The following CELA2B variants were observed in gnomAD, a reference collection of about 807,000 sequenced individuals.
CELA2B encodes chymotrypsin-like elastase family member 2B.
CELA2B carries 27 observed loss-of-function variants against 36.5 expected under a neutral mutation model. The ratio of observed to expected loss-of-function variants is 0.74; its 90% CI spans 0.55 to 1.02. The LOEUF is 1.02. Among genes scored for constraint, CELA2B ranks in the 50% least tolerant of loss-of-function variants. The probability of loss-of-function intolerance (pLI) is 0.00; values close to 1 mark genes in which losing one functional copy is unlikely to be tolerated. For synonymous variants in CELA2B, 143 were observed against 148.5 expected (o/e 0.96, Z 0.27); for missense variants, 340 against 347.8 (o/e 0.98, Z 0.18).
chr1:15,490,548 C>T (rs1470872289), intron 7 of CELA2B, among the ~76,000 whole-genome samples: 1 of 152,142 alleles, frequency 6.6e-6, no homozygotes, highest in Non-Finnish European at 1.5e-5. Flanking sequence ...CCGTTTACAG[C>T]ACTGGATCAT....
chr1:15,483,713 A>G (rs372701980), intron 5 of CELA2B, among the ~76,000 whole-genome samples: 257 of 152,288 alleles, frequency 1.7e-3, no homozygotes, highest in African/African-American at 5.9e-3. Context: ...AGATCACTTG[A>G]GGTCATGAGT....
chr1:15,476,668 G>A, intron 2 of CELA2B, 123 bp downstream of exon 2: 2 of 923,912 alleles, frequency 2.2e-6, no homozygotes, highest in Non-Finnish European at 3.4e-6. Context: ...TCAGAGAGCA[G>A]CACAGGAAAC....
intron 2 of CELA2B, among the ~76,000 whole-genome samples, chr1:15,478,882 A>C (rs748587287): frequency 2.0e-5 from 3 of 152,048 alleles, no homozygotes; most frequent in Non-Finnish European, 4.4e-5. Flanking sequence ...TTGTAATTAC[A>C]GTTATTAATC....
intron 7 of CELA2B, chr1:15,490,701 C>G (rs891683471): frequency 6.5e-6 from 1 of 152,978 alleles, no homozygotes; most frequent in African/African-American, 2.4e-5. Flanking sequence ...AACCCTGTCT[C>G]TACTAAAAAT....
intron 5 of CELA2B, among the ~76,000 whole-genome samples, chr1:15,484,272 A>G (rs1708778395): frequency 6.6e-6 from 1 of 151,958 alleles, no homozygotes; most frequent in East Asian, 1.9e-4. Context: ...TTTGACATAG[A>G]CTCCAAGGGT....
At chr1:15,485,174 G>A (rs1198178601) in intron 5 of CELA2B, among the ~76,000 whole-genome samples, 1 of 152,100 alleles carries the variant, frequency 6.6e-6, no homozygotes, top group African/African-American at 2.4e-5. Context: ...GGGATTACAG[G>A]GTGAGCTACC....
chr1:15,488,152 CAAGG>C (rs1042089383), intron 7 of CELA2B, among the ~76,000 whole-genome samples: 5 of 152,058 alleles, frequency 3.3e-5, no homozygotes, highest in Non-Finnish European at 5.9e-5. Flanking sequence ...TTTGGGAGGC[CAAGG>C]AAGGAGGATT....
chr1:15,486,885 C>T (rs965000161), intron 6 of CELA2B, among the ~76,000 whole-genome samples: 2 of 152,234 alleles, frequency 1.3e-5, no homozygotes, highest in Non-Finnish European at 2.9e-5. Flanking sequence ...ACATAGACCA[C>T]CTGCGGGAAG....
chr1:15,478,273 T>C (rs1292456035), intron 2 of CELA2B, among the ~76,000 whole-genome samples: 1 of 151,998 alleles, frequency 6.6e-6, no homozygotes, highest in African/African-American at 2.4e-5. Flanking sequence ...GACAGAGTTT[T>C]GCTCTTGTTG....
At chr1:15,478,454 G>C (rs1708699343) in intron 2 of CELA2B, among the ~76,000 whole-genome samples, 1 of 151,916 alleles carries the variant, frequency 6.6e-6, no homozygotes, top group Non-Finnish European at 1.5e-5. Flanking sequence ...TGTTGGTCAG[G>C]CTGGTCTCTA....
chr1:15,477,356 C>T (rs74054737), intron 2 of CELA2B, among the ~76,000 whole-genome samples: 5,910 of 152,148 alleles, frequency 0.039, 383 homozygotes, highest in African/African-American at 0.13. Context: ...GACGTGTTAA[C>T]GGTGGGAATT....
At chr1:15,479,238 A>G (rs574297091) in intron 2 of CELA2B, among the ~76,000 whole-genome samples, 2 of 152,190 alleles carry the variant, frequency 1.3e-5, no homozygotes, top group Non-Finnish European at 2.9e-5. Flanking sequence ...AGAAATGCCC[A>G]GTGGCTAATT....
intron 2 of CELA2B, among the ~76,000 whole-genome samples, chr1:15,478,649 T>G (rs1315843180): frequency 6.7e-6 from 1 of 149,356 alleles, no homozygotes; most frequent in Non-Finnish European, 1.5e-5. Flanking sequence ...AACTGCAACC[T>G]CAGCCTTTCA....
intron 2 of CELA2B, among the ~76,000 whole-genome samples, chr1:15,477,945 T>C (rs903091095): frequency 6.6e-6 from 1 of 152,204 alleles, no homozygotes; most frequent in Non-Finnish European, 1.5e-5. Context: ...GAGTGACCTA[T>C]GCAGCAGTCA....
At chr1:15,479,962 C>T (rs1327088407) in intron 2 of CELA2B, among the ~76,000 whole-genome samples, 4 of 152,064 alleles carry the variant, frequency 2.6e-5, no homozygotes, top group African/African-American at 4.8e-5. Flanking sequence ...GAGAGCCTAG[C>T]AGGTCATCAG....
chr1:15,488,074 T>C (rs1469202916), intron 7 of CELA2B, among the ~76,000 whole-genome samples: 3 of 152,182 alleles, frequency 2.0e-5, no homozygotes, highest in Admixed American at 6.5e-5. Flanking sequence ...TTTATAACAA[T>C]AAGCATTAAA....
At chr1:15,485,383 A>AGATAAGTG (rs57582476) in intron 5 of CELA2B, among the ~76,000 whole-genome samples, 43,583 of 151,778 alleles carry the variant, frequency 0.29, 6,687 homozygotes, top group East Asian at 0.56. Flanking sequence ...TTCTTATTTC[A>AGATAAGTG]GATAAGTGAC....
At chr1:15,480,455 G>A (rs1441406247) in intron 2 of CELA2B, among the ~76,000 whole-genome samples, 1 of 152,126 alleles carries the variant, frequency 6.6e-6, no homozygotes, top group Non-Finnish European at 1.5e-5. Context: ...CTGAGACTGG[G>A]TAATTTATAA....
Position 15,487,281 on chromosome 1 carries a change from T to A in CELA2B, c.640-4T>A. Reference sequence around the variant, plus strand: ...CAACTCCCTATAACTCTGGCCTTCCTCAGGGAGACTCCGGTGGGCCGCTGA... The same window carrying A: ...CAACTCCCTATAACTCTGGCCTTCCACAGGGAGACTCCGGTGGGCCGCTGA... On this transcript the variant is annotated splice_polypyrimidine_tract_variant and splice_region_variant and intron_variant, in intron 6 of 7. Coordinates refer to ENST00000375910, the MANE Select transcript of CELA2B (RefSeq NM_015849.3). 1.2e-6 allele frequency: 2 copies of A among 1,614,080 alleles called. No homozygotes were observed. Among genetic ancestry groups the A allele is most frequent in the Non-Finnish European group, 1.7e-6 (2 of 1,179,950 alleles).
Sources: allele counts gnomAD v4.1 joint callset (sites outside exome capture counted in the v4.1 genomes callset), GRCh38; gene constraint gnomAD v4.1.1; transcripts MANE v1.5; gene names NCBI Gene and HGNC (gene_info 2026-07-23, HGNC 2026-07-21).